DMD: variants seen among roughly 807,000 people sequenced by gnomAD.
DMD encodes the protein dystrophin.
In DMD, 63 loss-of-function variants were observed where a neutral mutation model predicts 330.1. The observed-to-expected ratio is 0.19, with a 90% confidence interval of 0.16 to 0.24. The LOEUF (loss-of-function observed/expected upper bound fraction) is 0.24. Among genes scored for constraint, DMD ranks in the 10% least tolerant of loss-of-function variants. DMD has a pLI of 1.00. For synonymous variants in DMD, 1,223 were observed against 959.8 expected (o/e 1.27, Z -5.07); for missense variants, 3,344 against 2,684.1 (o/e 1.25, Z -5.43).
At chrX:32,098,636 T>A (rs2096524316) in intron 44 of DMD, among the ~76,000 whole-genome samples, 4 of 111,992 alleles carry the variant, frequency 3.6e-5, no homozygotes, top group Non-Finnish European at 5.6e-5. Context: ...CACATACTTG[T>A]TTCTTAATAC....
intron 44 of DMD, among the ~76,000 whole-genome samples, chrX:32,154,731 G>A (rs1472451390): frequency 9.0e-6 from 1 of 111,383 alleles, no homozygotes; most frequent in Non-Finnish European, 1.9e-5. Context: ...AGCAGAAAGA[G>A]AGAAAATTTA....
chrX:33,046,149 A>C (rs1373617741), intron 1 of DMD, among the ~76,000 whole-genome samples: 1 of 111,502 alleles, frequency 9.0e-6, no homozygotes, highest in Non-Finnish European at 1.9e-5. Context: ...CCAATCCTAG[A>C]GTGGAGGCTA....
intron 1 of DMD, among the ~76,000 whole-genome samples, chrX:33,083,732 T>C (rs1192962718): frequency 2.7e-5 from 3 of 111,890 alleles, no homozygotes; most frequent in African/African-American, 9.8e-5. Context: ...TCCTATTTTC[T>C]GTATGAGAAA....
intron 23 of DMD, among the ~76,000 whole-genome samples, chrX:32,465,366 T>A (rs2098397975): frequency 9.0e-6 from 1 of 111,386 alleles, no homozygotes; most frequent in African/African-American, 3.3e-5. Context: ...GCTGTCTACA[T>A]GTGTTATTTT....
In DMD at chrX:32,843,027, C is replaced by T. The variant is rs191613877; in HGVS notation, c.264+1756G>A. On this transcript the variant is annotated intron_variant, in intron 4 of 78. Coordinates refer to ENST00000357033, the MANE Select transcript of DMD (RefSeq NM_004006.3). Reference sequence around the variant, plus strand: ...TTCGCCATGGTGGCCAGGCTGGTCTCGAACTCCTGACCTCTGGTGATCTGC... The same window carrying T: ...TTCGCCATGGTGGCCAGGCTGGTCTTGAACTCCTGACCTCTGGTGATCTGC... Among the ~76,000 whole-genome samples, 254 of 111,355 alleles carry T rather than the reference C, an allele frequency of 2.3e-3. 3 individuals are homozygous for T. The highest frequency in any genetic ancestry group is 6.8e-4 in the Non-Finnish European group (36 of 53,057).
At chrX:32,493,783 T>C (rs964001103) in intron 19 of DMD, among the ~76,000 whole-genome samples, 2 of 112,015 alleles carry the variant, frequency 1.8e-5, no homozygotes, top group South Asian at 3.7e-4. Context: ...ACAAAAAATG[T>C]GGCATGGATC....
In DMD at chrX:32,183,553, AATATATATATATATATAAAT is replaced by A. The variant is rs1440453426; in HGVS notation, c.6438+33343_6438+33362del. Among the ~76,000 whole-genome samples, 538 of 83,972 alleles carry A rather than the reference AATATATATATATATATAAAT, an allele frequency of 6.4e-3. 4 individuals are homozygous for A. Among genetic ancestry groups the A allele is most frequent in the African/African-American group, 0.022 (500 of 22,380 alleles). The allele number at this position is 83,972 out of a possible 115,157, so 72.9% of individuals were successfully genotyped here. On this transcript the variant is annotated intron_variant, in intron 44 of 78. Coordinates refer to ENST00000357033, the MANE Select transcript of DMD (RefSeq NM_004006.3). ...AAATACACACATGCACAGCTACACA[AATATATATATATATATAAAT>A]ATATATATATATATATGTATGTATA...
chrX:31,530,647 C>CTTTTTTTTTTTTTTTTGTTTTT (rs2073677040), intron 55 of DMD, among the ~76,000 whole-genome samples: 1 of 49,845 alleles, frequency 2.0e-5, no homozygotes, highest in Admixed American at 2.6e-4. Context: ...ACTGGTTTCT[C>CTTTTTTTTTTTTTTTTGTTTTT]TTTTTTTTTT....
At chrX:32,091,746 T>TA (rs1421648029) in intron 44 of DMD, among the ~76,000 whole-genome samples, 1 of 111,763 alleles carries the variant, frequency 8.9e-6, no homozygotes, top group Non-Finnish European at 1.9e-5. Context: ...CTAGAATTTT[T>TA]AAAAATATTA....
intron 7 of DMD, among the ~76,000 whole-genome samples, chrX:32,796,776 GAGGAT>G (rs1408027283): frequency 1.8e-5 from 2 of 111,912 alleles, no homozygotes; most frequent in East Asian, 5.6e-4. Flanking sequence ...ATAAATCTAA[GAGGAT>G]AGCTTATTGC....
chrX:32,205,144 G>A (rs1020610345), intron 44 of DMD, among the ~76,000 whole-genome samples: 2 of 99,002 alleles, frequency 2.0e-5, no homozygotes, highest in African/African-American at 7.5e-5. Context: ...TCAAAGGCCG[G>A]TGTTGATCCA....
intron 55 of DMD, among the ~76,000 whole-genome samples, chrX:31,574,650 A>T (rs2076008669): frequency 9.0e-6 from 1 of 111,406 alleles, no homozygotes; most frequent in Non-Finnish European, 1.9e-5. Context: ...CCAAGGGGAA[A>T]TGACTTCTCT....
intron 1 of DMD, among the ~76,000 whole-genome samples, chrX:33,220,387 G>T (rs2148873372): frequency 8.9e-6 from 1 of 111,850 alleles, no homozygotes; most frequent in African/African-American, 3.2e-5. Context: ...GATCAAGGAT[G>T]AATAGATCCT....
intron 41 of DMD, among the ~76,000 whole-genome samples, chrX:32,313,865 G>A (rs2097573478): frequency 9.0e-6 from 1 of 111,226 alleles, no homozygotes; most frequent in Admixed American, 9.5e-5. Context: ...TCTTCAAGGA[G>A]AACTACAAAC....
intron 64 of DMD, among the ~76,000 whole-genome samples, chrX:31,222,398 A>C (rs1160676359): frequency 1.9e-5 from 2 of 104,381 alleles, no homozygotes; most frequent in East Asian, 5.9e-4. Context: ...ATCTCAAAAA[A>C]AAAAAAAAAA....
chrX:32,678,597 G>C (rs1430740761), intron 9 of DMD, among the ~76,000 whole-genome samples: 2 of 110,905 alleles, frequency 1.8e-5, no homozygotes, highest in Non-Finnish European at 3.8e-5. Context: ...AAGGGCAACT[G>C]TCCAGGCCAA....
rs192064306 is a variant in DMD, at chrX:32,212,730, G to A, written c.6438+4186C>T. The stretch of plus-strand genomic sequence containing the variant: ...TTAAGAGATGCTGATATCATTCAAC[G>A]AATTTAATAAACCAATTTGAGTGGC... On this transcript the variant is annotated intron_variant, in intron 44 of 78. Transcript: ENST00000357033. 2.6e-3 allele frequency among the ~76,000 whole-genome samples: 289 copies of A among 111,561 alleles called. 1 individual carries two copies. Among genetic ancestry groups the A allele is most frequent in the Non-Finnish European group, 2.3e-3 (124 of 53,070 alleles).
chrX:32,757,259 G>A (rs1397853827), intron 7 of DMD, among the ~76,000 whole-genome samples: 1 of 110,983 alleles, frequency 9.0e-6, no homozygotes, highest in Non-Finnish European at 1.9e-5. Context: ...ACACCCAACA[G>A]TTCTCTTGAA....
At chrX:31,867,453 A>C (rs1182485525) in intron 48 of DMD, among the ~76,000 whole-genome samples, 2 of 111,322 alleles carry the variant, frequency 1.8e-5, no homozygotes, top group African/African-American at 6.5e-5. Context: ...CTATTCAGCC[A>C]AGTATTCAAA....
Sources: gnomAD v4.1 joint callset for allele counts (sites outside exome capture counted in the v4.1 genomes callset) on GRCh38, gnomAD v4.1.1 for gene constraint, MANE v1.5 for transcripts, NCBI Gene and HGNC (gene_info 2026-07-23, HGNC 2026-07-21) for gene names.